The following SPEG variants were observed in gnomAD, a reference collection of about 807,000 sequenced individuals.
SPEG encodes striated muscle enriched protein kinase.
Under a neutral mutation model 300.4 loss-of-function variants are expected in SPEG, and 114 were observed. The ratio of observed to expected loss-of-function variants is 0.38; its 90% CI spans 0.33 to 0.44. SPEG has a LOEUF of 0.44. Among genes scored for constraint, SPEG ranks in the 20% least tolerant of loss-of-function variants. SPEG has a pLI of 1.00. For synonymous variants in SPEG, 1,964 were observed against 2,018.9 expected, an observed-to-expected ratio of 0.97 and a Z score of 0.73; for missense variants, 4,201 against 4,586.2, an observed-to-expected ratio of 0.92 and a Z score of 2.43.
Position 219,443,761 on chromosome 2 carries a change from T to TGC in SPEG, c.389-891_389-890dup. 2.8e-6 allele frequency: 1 copy of TGC among 360,504 alleles called. No individual in the cohort carries two copies. Among genetic ancestry groups the TGC allele is most frequent in the Non-Finnish European group, 5.5e-6 (1 of 181,604 alleles). The allele number at this position is 360,504 out of a possible 1,614,324, so 22.3% of individuals were successfully genotyped here. ...ACAAGCAGGTGTGTGTGTGTGTGTGTGCATGTGTGTGTGTGGCCAGTGGCA... is the reference window on the plus strand; with the variant it reads ...ACAAGCAGGTGTGTGTGTGTGTGTGTGCGCATGTGTGTGTGTGGCCAGTGGCA... On this transcript the variant is annotated intron_variant, in intron 1 of 40. Transcript: ENST00000312358. This position sits in a 1 kb window ranked among gnomAD's most constrained non-coding sequence, Gnocchi z 4.6.
chr2:219,485,629 A>G (rs1395507352), intron 31 of SPEG, 152 bp downstream of exon 31: 1 of 698,086 alleles, frequency 1.4e-6, no homozygotes, highest in African/African-American at 1.9e-5. Context: ...GCAGTAGCTG[A>G]CATTCATTAG....
Position 219,481,781 on chromosome 2 carries a change from T to C in SPEG, c.5565+101T>C. The stretch of plus-strand genomic sequence containing the variant: ...TACCTACTGTGTGCAGTAACCACGT[T>C]AGGCATTGTATGTACATATGACGTA... On this transcript the variant is annotated intron_variant, in intron 28 of 40. Transcript: ENST00000312358. The surrounding 1 kb of genome is among the most constrained non-coding windows in gnomAD (Gnocchi z 5.4). The C allele has an allele frequency of 2.0e-6, 2 of 1,022,362 alleles. No homozygotes were observed. The highest frequency in any genetic ancestry group is 1.5e-6 in the Non-Finnish European group (1 of 649,182). The allele number at this position is 1,022,362 out of a possible 1,614,324, so 63.3% of individuals were successfully genotyped here. A position where few individuals can be genotyped will look rare whatever the true frequency, so the allele number is the denominator to read the frequency against.
At chr2:219,470,941 T>C (rs1404640642) in intron 13 of SPEG, among the ~76,000 whole-genome samples, 1 of 103,502 alleles carries the variant, frequency 9.7e-6, no homozygotes, top group Non-Finnish European at 2.0e-5. Context: ...TAGAATGTAT[T>C]TGGTACTTAC....
In SPEG at chr2:219,484,895, G is replaced by T. The variant is rs1471431706; in HGVS notation, c.7432G>T (p.Gly2478Trp). 1.3e-6 allele frequency: 2 copies of T among 1,525,830 alleles called. No individual in the cohort carries two copies. The highest frequency in any genetic ancestry group is 1.4e-5 in the African/African-American group (1 of 71,108). 94.5% of individuals were successfully genotyped at this position (1,525,830 alleles called of 1,614,324 possible). The stretch of plus-strand genomic sequence containing the variant: ...GCGCAGTGGCAGCAGCGAGGACTCG[G>T]GGGGCGCGTCGGGCCGCAGCACGCC... ...LQRSGSSEDSGGASGRSTPLF... is the reference protein window; with the variant it reads ...LQRSGSSEDSWGASGRSTPLF... The change falls in exon 30 of 41, where the codon GGG becomes TGG. Residue 2478 changes from glycine to tryptophan, a missense_variant. By Grantham distance (184) the Gly-to-Trp change is radical. Coordinates refer to ENST00000312358, the MANE Select transcript of SPEG (RefSeq NM_005876.5).
chr2:219,466,187 C>A, intron 9 of SPEG: 2 of 1,484,230 alleles, frequency 1.3e-6, no homozygotes, highest in Non-Finnish European at 1.8e-6. Flanking sequence ...CCGGCCCGGA[C>A]CCGTCCCAGC....
At position 219,488,228 on chromosome 2, in the gene SPEG, C is replaced by T. The variant is rs1693622296; in HGVS notation, c.7776C>T (p.Asp2592=). 3.1e-6 allele frequency: 5 copies of T among 1,613,624 alleles called. No homozygotes were observed. The East Asian group carries it at 1.1e-4, about 36-fold the overall frequency. Residue 2592 remains aspartate (D), a synonymous_variant, in exon 32 of 41, where the codon GAC becomes GAT. Transcript: ENST00000312358. The part of the protein sequence containing the change: ...FPPVFHIKLK[D]QVLLEGEAAT... The stretch of plus-strand genomic sequence containing the variant: ...CAGTCTTCCACATCAAACTCAAGGA[C>T]CAGGTGCTGCTGGAGGGGGAGGCAG...
chr2:219,470,393 A>G (rs1327621462), intron 13 of SPEG, among the ~76,000 whole-genome samples: 1 of 151,944 alleles, frequency 6.6e-6, no homozygotes, highest in Non-Finnish European at 1.5e-5. Context: ...CCCGGCTCCA[A>G]CCCCTGCCCA....
In SPEG at chr2:219,469,136, G is replaced by A; in HGVS notation, c.3492-20G>A. 3 of 1,613,116 alleles carry A rather than the reference G, an allele frequency of 1.9e-6. 1 individual carries two copies. Among genetic ancestry groups the A allele is most frequent in the Non-Finnish European group, 8.5e-7 (1 of 1,179,540 alleles). On this transcript the variant is annotated intron_variant, in intron 12 of 40. Transcript: ENST00000312358. ...GGGAGGCACGGCCCTGGGCCTGTGG[G>A]CAGCTGTGTGGTCTTGCAGCTCGAA...
intron 15 of SPEG, 114 bp from the exon 16 acceptor site, chr2:219,472,776 C>A: frequency 2.4e-6 from 2 of 839,526 alleles, no homozygotes; most frequent in Non-Finnish European, 3.7e-6. Flanking sequence ...ACAGCAGAGA[C>A]TGAGGCACGT....
rs778977301 is a variant in SPEG, at chr2:219,489,666, T to A, written c.8648T>A (p.Ile2883Asn). 1.1e-5 allele frequency: 18 copies of A among 1,613,856 alleles called. No homozygotes were observed. Among genetic ancestry groups the A allele is most frequent in the Non-Finnish European group, 1.4e-5 (17 of 1,180,016 alleles). ...TTCGTCCTTGACACTGGGACCCCGA[T>A]CCCAGCCTCCACTCCTCAAGGGGTT... The part of the protein sequence containing the change: ...KPFVLDTGTP[I>N]PASTPQGVKP... The change falls in exon 36 of 41, where the codon ATC (isoleucine) becomes AAC (asparagine). Residue 2883 changes from isoleucine (I) to asparagine (N), a missense_variant. Ile to Asn is a moderately radical substitution (Grantham distance 149, BLOSUM62 -3). Coordinates refer to ENST00000312358, the MANE Select transcript of SPEG (RefSeq NM_005876.5).
At position 219,477,617 on chromosome 2, in the gene SPEG, T is replaced by C. The variant is rs1692468740; in HGVS notation, c.4730-72T>C. On this transcript the variant is annotated intron_variant, in intron 20 of 40. Coordinates refer to ENST00000312358, the MANE Select transcript of SPEG (RefSeq NM_005876.5). This position sits in a 1 kb window ranked among gnomAD's most constrained non-coding sequence, Gnocchi z 6.4. Reference sequence around the variant, plus strand: ...GCACCTCTTCTCTCTTCTTCTTCTGTCCACCTGTCCCAGTCTCTGGCCTGC... The same window carrying C: ...GCACCTCTTCTCTCTTCTTCTTCTGCCCACCTGTCCCAGTCTCTGGCCTGC... The C allele has an allele frequency of 2.8e-6, 4 of 1,417,572 alleles. No homozygotes were observed. Among genetic ancestry groups the C allele is most frequent in the Non-Finnish European group, 3.9e-6 (4 of 1,037,630 alleles). 87.8% of individuals were successfully genotyped at this position (1,417,572 alleles called of 1,614,324 possible). A position where few individuals can be genotyped will look rare whatever the true frequency, so the allele number is the denominator to read the frequency against.
At position 219,469,013 on chromosome 2, in the gene SPEG, T is replaced by C. The variant is rs189442728; in HGVS notation, c.3456T>C (p.Tyr1152=). 39 of 1,613,576 alleles carry C rather than the reference T, an allele frequency of 2.4e-5. 1 individual carries two copies. The Admixed American group carries it at 4.3e-4, about 18-fold the overall frequency. ...HGQAHCSAQL[Y]VEEPRTAASG... ...AGGCCCACTGCTCAGCCCAGCTGTATGTAGAAGAGCCCCGGACAGCCGCCT... is the reference window on the plus strand; with the variant it reads ...AGGCCCACTGCTCAGCCCAGCTGTACGTAGAAGAGCCCCGGACAGCCGCCT... The change falls in exon 12 of 41, where the codon TAT becomes TAC. Residue 1152 remains tyrosine (Y), a synonymous_variant. Coordinates refer to ENST00000312358, the MANE Select transcript of SPEG (RefSeq NM_005876.5).
In SPEG at chr2:219,448,369, T is replaced by C; in HGVS notation, c.1211T>C (p.Leu404Pro). Reference sequence around the variant, plus strand: ...GCCGGCTCCCGCATCCTGGACAAGCTGCAGTTCTTCGAGGAGCGACGGCGC... The same window carrying C: ...GCCGGCTCCCGCATCCTGGACAAGCCGCAGTTCTTCGAGGAGCGACGGCGC... Reference protein sequence around the residue: ...VRAGSRILDKLQFFEERRRSL... With the variant: ...VRAGSRILDKPQFFEERRRSL... Residue 404 changes from leucine to proline, a missense_variant, in exon 4 of 41, where the codon CTG becomes CCG. Around this residue, in one of 4 missense-constraint regions of SPEG, gnomAD observed 1,258 missense variants for 1,293.9 expected, o/e 0.97. Transcript: ENST00000312358. The C allele has an allele frequency of 6.4e-7, 1 of 1,573,916 alleles. No individual in the cohort carries two copies.
At position 219,448,691 on chromosome 2, in the gene SPEG, G is replaced by A. The variant is rs753956887; in HGVS notation, c.1533G>A (p.Val511=). Reference sequence around the variant, plus strand: ...GCTCCACGTCGCGGGAGGAGCTGGTGCGCTCGCACGAGTCCCTGCGCGCCA... The same window carrying A: ...GCTCCACGTCGCGGGAGGAGCTGGTACGCTCGCACGAGTCCCTGCGCGCCA... ...IRRSTSREEL[V]RSHESLRATL... The change falls in exon 4 of 41, where the codon GTG becomes GTA. Residue 511 remains valine, a synonymous_variant. Coordinates refer to ENST00000312358, the MANE Select transcript of SPEG (RefSeq NM_005876.5). 39 of 1,493,946 alleles carry A rather than the reference G, an allele frequency of 2.6e-5. No homozygotes were observed. The Middle Eastern group carries it at 9.3e-4, about 36-fold the overall frequency. 92.5% of individuals were successfully genotyped at this position (1,493,946 alleles called of 1,614,324 possible).
Position 219,483,140 on chromosome 2 carries a change from A to T in SPEG, c.5677A>T (p.Ile1893Phe). The T allele has an allele frequency of 6.2e-7, 1 of 1,609,024 alleles. No homozygotes were observed. The highest frequency in any genetic ancestry group is 8.5e-7 in the Non-Finnish European group (1 of 1,179,472). ...CAAATGCCACCTGGTGCTGCGCCCC[A>T]TCCCCGAGCTGCTGCGGGCCCCCCC... is the stretch of plus-strand genomic sequence containing the variant. Reference protein sequence around the residue: ...SYKCHLVLRPIPELLRAPPER... With the variant: ...SYKCHLVLRPFPELLRAPPER... Residue 1893 changes from isoleucine to phenylalanine, a missense_variant, in exon 30 of 41, where the codon ATC (isoleucine) becomes TTC (phenylalanine). Ile to Phe is a conservative substitution (Grantham distance 21). Transcript: ENST00000312358.
chr2:219,440,534 C>G (rs1214835970), intron 1 of SPEG, among the ~76,000 whole-genome samples: 1 of 151,902 alleles, frequency 6.6e-6, no homozygotes, highest in African/African-American at 2.4e-5. Context: ...GAACAAAACT[C>G]ATCAGTCTGT....
chr2:219,448,387 G>T lies in SPEG; in HGVS notation c.1229G>T (p.Arg410Leu). 2.6e-6 allele frequency: 4 copies of T among 1,551,916 alleles called. No homozygotes were observed. The highest frequency in any genetic ancestry group is 3.5e-6 in the Non-Finnish European group (4 of 1,151,630). Residue 410 changes from arginine (R) to leucine (L), a missense_variant, in exon 4 of 41, where the codon CGA (arginine) becomes CTA (leucine). This residue lies in a region of SPEG where 1,258 missense variants were observed against 1,293.9 expected (regional missense o/e 0.97). Coordinates refer to ENST00000312358, the MANE Select transcript of SPEG (RefSeq NM_005876.5). ...GACAAGCTGCAGTTCTTCGAGGAGC[G>T]ACGGCGCAGCCTGGAGCGCAGCGAC... ...ILDKLQFFEE[R>L]RRSLERSDSP...
At chr2:219,488,952 G>T in intron 34 of SPEG, 52 bp downstream of exon 34, 1 of 1,596,046 alleles carries the variant, frequency 6.3e-7, no homozygotes, top group Non-Finnish European at 8.5e-7. Flanking sequence ...GAGGGTAGAG[G>T]AGTCTGGTAA....
At chr2:219,456,918 A>G (rs1237710892) in intron 6 of SPEG, among the ~76,000 whole-genome samples, 12 of 63,584 alleles carry the variant, frequency 1.9e-4, no homozygotes, top group Admixed American at 1.8e-3. Flanking sequence ...CAAAAAAAAA[A>G]AAAAAAGAAA....
Sources: allele counts gnomAD v4.1 joint callset (sites outside exome capture counted in the v4.1 genomes callset), GRCh38; gene constraint gnomAD v4.1.1; regional missense constraint gnomAD v4.1.1; non-coding constraint Gnocchi (gnomAD v3.1); transcripts MANE v1.5; gene names NCBI Gene and HGNC (gene_info 2026-07-23, HGNC 2026-07-21).